MAML2: variants seen among roughly 807,000 people sequenced by gnomAD.
MAML2 encodes mastermind-like protein 2.
Under a neutral mutation model 96.1 loss-of-function variants are expected in MAML2, and 22 were observed. That is an observed-to-expected ratio of 0.23 (90% confidence interval 0.16 to 0.33). The LOEUF (loss-of-function observed/expected upper bound fraction) is 0.33, where lower values mean the gene tolerates loss of function less well. Among genes scored for constraint, MAML2 ranks in the 10% least tolerant of loss-of-function variants. The pLI is 1.00. For synonymous variants in MAML2, 561 were observed against 521.3 expected (o/e 1.08, Z -1.04); for missense variants, 1,367 against 1,392.4 (o/e 0.98, Z 0.29).
chr11:96,151,260 A>G (rs1467421069), intron 1 of MAML2, among the ~76,000 whole-genome samples: 3 of 152,128 alleles, frequency 2.0e-5, no homozygotes, highest in Non-Finnish European at 4.4e-5. Flanking sequence ...CTTCTGATCC[A>G]TAGGGCTGAG....
At chr11:96,308,030 C>T (rs569158478) in intron 1 of MAML2, among the ~76,000 whole-genome samples, 74 of 152,174 alleles carry the variant, frequency 4.9e-4, no homozygotes, top group African/African-American at 1.7e-3. Context: ...TAAAGCCCTG[C>T]GCATGCTCAT....
chr11:96,014,097 G>T lies in MAML2; in HGVS notation c.2140-22374C>A, dbSNP rs183979117. ...CTGCCTGTATGTATGCTCCCTTAGA[G>T]GTTTGATCAGCGGGGCACTGATGAA... On this transcript the variant is annotated intron_variant, in intron 2 of 4. Transcript: ENST00000524717. Among the ~76,000 whole-genome samples the T allele has an allele frequency of 1.3e-3, 191 of 152,270 alleles. 1 individual carries two copies. The highest frequency in any genetic ancestry group is 0.012 in the Admixed American group (191 of 15,300).
chr11:96,198,445 C>T (rs1009616559), intron 1 of MAML2, among the ~76,000 whole-genome samples: 14 of 152,218 alleles, frequency 9.2e-5, no homozygotes, highest in Admixed American at 3.3e-4. Context: ...CCCAGCTAAA[C>T]ATCACCAGTT....
chr11:96,183,498 A>G (rs989660743), intron 1 of MAML2, among the ~76,000 whole-genome samples: 6 of 149,596 alleles, frequency 4.0e-5, no homozygotes, highest in African/African-American at 1.5e-4. Flanking sequence ...CCTGGGCACA[A>G]GTAATCCCTC....
At chr11:96,157,280 G>C (rs549981866) in intron 1 of MAML2, among the ~76,000 whole-genome samples, 1 of 152,248 alleles carries the variant, frequency 6.6e-6, no homozygotes, top group Non-Finnish European at 1.5e-5. Flanking sequence ...CCTACTTGAT[G>C]TTCTCATGTC....
At chr11:96,327,788 C>G (rs1298708734) in intron 1 of MAML2, among the ~76,000 whole-genome samples, 1 of 151,986 alleles carries the variant, frequency 6.6e-6, no homozygotes, top group African/African-American at 2.4e-5. Context: ...TAACCAACTT[C>G]CGTTCATATA....
intron 2 of MAML2, among the ~76,000 whole-genome samples, chr11:96,087,684 T>A (rs1859639532): frequency 6.6e-6 from 1 of 152,240 alleles, no homozygotes; most frequent in Non-Finnish European, 1.5e-5. Flanking sequence ...CTCAGCTTTT[T>A]TAGGACTTTG....
Position 96,160,176 on chromosome 11 carries a change from T to A in MAML2, c.514-66659A>T, listed in dbSNP as rs189796399. 1.3e-4 allele frequency among the ~76,000 whole-genome samples: 20 copies of A among 152,256 alleles called. No homozygotes were observed. The East Asian group carries it at 3.7e-3, about 28-fold the overall frequency. On this transcript the variant is annotated intron_variant, in intron 1 of 4. Transcript: ENST00000524717. ...AGCCTACAAAAAGCCCTGGGGTGCT[T>A]ATGTTTAGATGATCTCACAGAGTTA...
At chr11:96,151,972 T>C (rs1860931586) in intron 1 of MAML2, among the ~76,000 whole-genome samples, 1 of 152,220 alleles carries the variant, frequency 6.6e-6, no homozygotes, top group Non-Finnish European at 1.5e-5. Flanking sequence ...ATCTTGGCAC[T>C]TTGGGAGGCC....
intron 2 of MAML2, among the ~76,000 whole-genome samples, chr11:95,996,929 C>T (rs375491853): frequency 2.6e-5 from 4 of 152,080 alleles, no homozygotes; most frequent in African/African-American, 7.2e-5. Flanking sequence ...TGGTAAAAAT[C>T]GCACATTCTC....
At chr11:96,266,428 G>A (rs1028263655) in intron 1 of MAML2, among the ~76,000 whole-genome samples, 13 of 152,016 alleles carry the variant, frequency 8.6e-5, no homozygotes, top group African/African-American at 3.1e-4. Context: ...AAAATTAGCT[G>A]GGCGTGGTGG....
intron 2 of MAML2, among the ~76,000 whole-genome samples, chr11:96,063,837 A>G (rs1413741843): frequency 6.6e-6 from 1 of 152,218 alleles, no homozygotes; most frequent in Non-Finnish European, 1.5e-5. Context: ...CTGTTATTGC[A>G]TTTGATTTGC....
At chr11:96,250,281 A>T (rs928161103) in intron 1 of MAML2, among the ~76,000 whole-genome samples, 19 of 106,056 alleles carry the variant, frequency 1.8e-4, no homozygotes, top group African/African-American at 6.6e-4. Context: ...TTTATTTTTT[A>T]AATTGAAAAA....
intron 1 of MAML2, among the ~76,000 whole-genome samples, chr11:96,268,698 C>T (rs1274575457): frequency 6.6e-6 from 1 of 152,048 alleles, no homozygotes; most frequent in Non-Finnish European, 1.5e-5. Flanking sequence ...TGAGTCTTTC[C>T]CATGCTGTTC....
At chr11:96,322,766 G>A (rs1863724008) in intron 1 of MAML2, among the ~76,000 whole-genome samples, 2 of 152,214 alleles carry the variant, frequency 1.3e-5, no homozygotes, top group Admixed American at 1.3e-4. Flanking sequence ...AAGGAAATAT[G>A]TTAGGCATGA....
chr11:96,119,301 C>T (rs373839718), intron 1 of MAML2, among the ~76,000 whole-genome samples: 2 of 152,160 alleles, frequency 1.3e-5, no homozygotes, highest in African/African-American at 4.8e-5. Flanking sequence ...CATGTAATCA[C>T]AAGGGTCCTT....
chr11:96,316,122 A>G (rs1204759932), intron 1 of MAML2, among the ~76,000 whole-genome samples: 1 of 152,118 alleles, frequency 6.6e-6, no homozygotes, highest in Non-Finnish European at 1.5e-5. Flanking sequence ...TCCACTTAAT[A>G]TTCTAGAGGG....
chr11:96,159,404 A>ATTTTTTTTTTTTTTTT lies in MAML2; in HGVS notation c.514-65888_514-65887insAAAAAAAAAAAAAAAA, dbSNP rs1157893034. Among the ~76,000 whole-genome samples the ATTTTTTTTTTTTTTTT allele has an allele frequency of 9.2e-3, 571 of 61,846 alleles. 134 individuals are homozygous for ATTTTTTTTTTTTTTTT. The highest frequency in any genetic ancestry group is 0.02 in the South Asian group (33 of 1,674). The allele number at this position is 61,846 out of a possible 152,430, so 40.6% of individuals were successfully genotyped here. On this transcript the variant is annotated intron_variant, in intron 1 of 4. Transcript: ENST00000524717. The stretch of plus-strand genomic sequence containing the variant: ...TACTAACCGTGCCTCTAAACCACTG[A>ATTTTTTTTTTTTTTTT]TTCTTTTTTTTTTTTTTTTTTTTTT...
chr11:96,035,431 C>T (rs638303), intron 2 of MAML2, among the ~76,000 whole-genome samples: 126,297 of 152,180 alleles, frequency 0.83, 52,778 homozygotes, highest in East Asian at 0.95. Context: ...TTCTTGTTTT[C>T]TGAGGATGTG....
Sources: gnomAD v4.1 joint callset for allele counts (sites outside exome capture counted in the v4.1 genomes callset) on GRCh38, gnomAD v4.1.1 for gene constraint, MANE v1.5 for transcripts, NCBI Gene and HGNC (gene_info 2026-07-23, HGNC 2026-07-21) for gene names.